The following LIN28B variants were observed in gnomAD, a reference collection of about 807,000 sequenced individuals.
LIN28B encodes protein lin-28 homolog B.
Under a neutral mutation model 21.9 loss-of-function variants are expected in LIN28B, and 5 were observed. That is an observed-to-expected ratio of 0.23 (90% CI 0.12 to 0.48). The LOEUF is 0.48. Ranked by LOEUF, LIN28B falls within the 20% of genes least tolerant of loss-of-function variation. The probability of loss-of-function intolerance (pLI) is 0.98; values close to 1 mark genes in which losing one functional copy is unlikely to be tolerated. For synonymous variants in LIN28B, 109 were observed against 111.3 expected, an observed-to-expected ratio of 0.98 and a Z score of 0.13; for missense variants, 245 against 310.5, an observed-to-expected ratio of 0.79 and a Z score of 1.58.
rs201277574 is a variant in LIN28B at position 105,078,741 on chromosome 6, A to G, written c.711A>G (p.Gln237=). 71 of 1,614,112 alleles carry G rather than the reference A, an allele frequency of 4.4e-5. 1 individual carries two copies. In the East Asian group the frequency reaches 1.5e-3, roughly 33 times the overall value. ...AGTCATCTATAGCACCAGAAGAGCA[A>G]AGCAAAAAGGGGCCTTCAGTTCAAA... ...STKSSIAPEE[Q]SKKGPSVQKR... The change falls in exon 4 of 4, where the codon CAA becomes CAG. Residue 237 remains glutamine, a synonymous_variant. Transcript: ENST00000345080.
At chr6:105,075,086 AT>A (rs1246233248) in intron 3 of LIN28B, among the ~76,000 whole-genome samples, 4 of 152,246 alleles carry the variant, frequency 2.6e-5, no homozygotes, top group African/African-American at 9.6e-5. Flanking sequence ...CTTAGCATGA[AT>A]AATTTTATTT....
At chr6:105,045,650 G>A (rs1043143223) in intron 3 of LIN28B, 12 of 152,146 alleles carry the variant, frequency 7.9e-5, no homozygotes, top group African/African-American at 2.9e-4. Flanking sequence ...TTTAGTATAT[G>A]TGCTGGCAAA....
At chr6:104,945,108 A>C (rs1281849984) in intron 2 of LIN28B, among the ~76,000 whole-genome samples, 2 of 152,128 alleles carry the variant, frequency 1.3e-5, no homozygotes, top group East Asian at 3.8e-4. Flanking sequence ...TTTTAACTAA[A>C]ATATTCTAGA....
At chr6:104,938,889 C>G (rs117561136) in intron 2 of LIN28B, among the ~76,000 whole-genome samples, 5 of 151,260 alleles carry the variant, frequency 3.3e-5, no homozygotes, top group African/African-American at 4.9e-5. Context: ...AGTTTGAAAT[C>G]AAAAAAAAGG....
chr6:104,986,866 C>A (rs1284749173), intron 2 of LIN28B, among the ~76,000 whole-genome samples: 1 of 152,208 alleles, frequency 6.6e-6, no homozygotes, highest in African/African-American at 2.4e-5. Flanking sequence ...CCCTCATTTA[C>A]AACTCACCAA....
chr6:104,986,020 A>G (rs1340201885), intron 2 of LIN28B, among the ~76,000 whole-genome samples: 2 of 152,152 alleles, frequency 1.3e-5, no homozygotes, highest in East Asian at 3.9e-4. Flanking sequence ...TGTAATCTGC[A>G]GTGTTGGGGG....
At chr6:105,075,386 T>A (rs750264948) in intron 3 of LIN28B, among the ~76,000 whole-genome samples, 10 of 152,226 alleles carry the variant, frequency 6.6e-5, no homozygotes, top group Non-Finnish European at 1.2e-4. Flanking sequence ...ATTTCTATTT[T>A]GGTGTCAGTC....
rs369962900 is a variant in LIN28B at position 105,017,452 on chromosome 6, A to G, written c.199-8846A>G. On this transcript the variant is annotated intron_variant, in intron 2 of 3. Transcript: ENST00000345080. Reference sequence around the variant, plus strand: ...AATAGTTTAAAGTGTTTATTGAACTACTAGTCAATGTACTGAGCATTGTTC... The same window carrying G: ...AATAGTTTAAAGTGTTTATTGAACTGCTAGTCAATGTACTGAGCATTGTTC... 1.4e-4 allele frequency among the ~76,000 whole-genome samples: 21 copies of G among 152,324 alleles called. No individual in the cohort carries two copies. In the East Asian group the frequency reaches 3.1e-3, roughly 22 times the overall value.
intron 3 of LIN28B, among the ~76,000 whole-genome samples, chr6:105,058,534 G>A (rs1382799852): frequency 6.6e-6 from 1 of 152,150 alleles, no homozygotes; most frequent in East Asian, 1.9e-4. Context: ...CAGAATGAGA[G>A]GCTATTTCAG....
At chr6:105,013,229 GTGAACTCC>G (rs1443894385) in intron 2 of LIN28B, among the ~76,000 whole-genome samples, 3 of 151,656 alleles carry the variant, frequency 2.0e-5, no homozygotes, top group Non-Finnish European at 4.4e-5. Flanking sequence ...CAGGCTGGTT[GTGAACTCC>G]TGAACTCAGG....
chr6:104,952,603 G>C (rs981037197), upstream of LIN28B, among the ~76,000 whole-genome samples: 1 of 152,044 alleles, frequency 6.6e-6, no homozygotes, highest in African/African-American at 2.4e-5. Flanking sequence ...CTCCTTTTCT[G>C]AATTTTGTTG....
At chr6:105,050,446 C>CA (rs1287199434) in intron 3 of LIN28B, among the ~76,000 whole-genome samples, 1 of 150,924 alleles carries the variant, frequency 6.6e-6, no homozygotes, top group South Asian at 2.1e-4. Flanking sequence ...ACTAAAAATA[C>CA]AAAAAATTAG....
intron 3 of LIN28B, among the ~76,000 whole-genome samples, chr6:105,039,053 A>G (rs1771579750): frequency 6.6e-6 from 1 of 152,208 alleles, no homozygotes; most frequent in South Asian, 2.1e-4. Flanking sequence ...GTGTTTTTCA[A>G]ACTGTGGGTT....
intron 2 of LIN28B, among the ~76,000 whole-genome samples, chr6:104,980,462 G>A (rs1450624553): frequency 6.6e-6 from 1 of 152,128 alleles, no homozygotes; most frequent in South Asian, 2.1e-4. Context: ...TTCCCAGGAG[G>A]CCCTCTCAAC....
intron 3 of LIN28B, among the ~76,000 whole-genome samples, chr6:105,038,865 T>C (rs1469583506): frequency 1.3e-5 from 2 of 152,224 alleles, no homozygotes; most frequent in Admixed American, 6.5e-5. Context: ...TGAGACATCA[T>C]TTCACTCATG....
intron 2 of LIN28B, among the ~76,000 whole-genome samples, chr6:104,937,726 T>C (rs889325831): frequency 5.3e-5 from 8 of 152,112 alleles, no homozygotes; most frequent in Non-Finnish European, 1.0e-4. Flanking sequence ...GCAAGAGAAA[T>C]ATGAAACACT....
intron 2 of LIN28B, among the ~76,000 whole-genome samples, chr6:104,983,686 C>T (rs1439354968): frequency 6.6e-6 from 1 of 152,148 alleles, no homozygotes; most frequent in Non-Finnish European, 1.5e-5. Context: ...AAGTGATTCT[C>T]CTGCCTCAGC....
chr6:105,003,394 A>C (rs1004391606), intron 2 of LIN28B, among the ~76,000 whole-genome samples: 1 of 152,226 alleles, frequency 6.6e-6, no homozygotes, highest in Non-Finnish European at 1.5e-5. Flanking sequence ...GGCTAGGTAG[A>C]AAGTTTGGGG....
At chr6:104,960,979 T>C (rs901230522) in intron 2 of LIN28B, among the ~76,000 whole-genome samples, 1 of 152,200 alleles carries the variant, frequency 6.6e-6, no homozygotes, top group Non-Finnish European at 1.5e-5. Flanking sequence ...TTGTCTCTCT[T>C]TAGTCTCTCT....
Sources: gnomAD v4.1 joint callset for allele counts (sites outside exome capture counted in the v4.1 genomes callset) on GRCh38, gnomAD v4.1.1 for gene constraint, MANE v1.5 for transcripts, NCBI Gene and HGNC (gene_info 2026-07-23, HGNC 2026-07-21) for gene names.